The following ACSS3 variants were observed in gnomAD, a reference collection of about 807,000 sequenced individuals.
ACSS3 encodes acyl-CoA synthetase short chain family member 3.
Under a neutral mutation model 84.2 loss-of-function variants are expected in ACSS3, and 64 were observed. The ratio of observed to expected loss-of-function variants is 0.76; its 90% CI spans 0.62 to 0.94. The LOEUF (loss-of-function observed/expected upper bound fraction) is 0.94. Among genes scored for constraint, ACSS3 ranks in the 40% least tolerant of loss-of-function variants. ACSS3 has a pLI of 0.00. For synonymous variants in ACSS3, 317 were observed against 310.1 expected, an observed-to-expected ratio of 1.02 and a Z score of -0.23; for missense variants, 815 against 867.6, an observed-to-expected ratio of 0.94 and a Z score of 0.76.
At chr12:81,183,075 G>C (rs1391202493) in intron 8 of ACSS3, among the ~76,000 whole-genome samples, 1 of 152,110 alleles carries the variant, frequency 6.6e-6, no homozygotes, top group Non-Finnish European at 1.5e-5. Flanking sequence ...AGTGAGGTGT[G>C]ATAAAAAGAG....
chr12:81,149,953 T>C (rs1886530223), intron 5 of ACSS3, among the ~76,000 whole-genome samples: 1 of 152,208 alleles, frequency 6.6e-6, no homozygotes, highest in South Asian at 2.1e-4. Context: ...TGGGTTTAAG[T>C]ATTCACTAAT....
chr12:81,181,767 A>AAAAAAAAAAAAAAAAAAAAAAAAAT (rs2030949847), intron 8 of ACSS3, among the ~76,000 whole-genome samples: 1 of 148,184 alleles, frequency 6.7e-6, no homozygotes, highest in African/African-American at 2.5e-5. Context: ...AAAAAAAAAA[A>AAAAAAAAAAAAAAAAAAAAAAAAAT]AGCAATAGAG....
chr12:81,143,262 A>AGCT lies in ACSS3; in HGVS notation c.921+16_921+17insCTG. Reference sequence around the variant, plus strand: ...GGTTACCTAAGGTACTCACTCTCTTAGAGATAACTATCTATAGCAGTAGAT... The same window carrying AGCT: ...GGTTACCTAAGGTACTCACTCTCTTAGCTGAGATAACTATCTATAGCAGTAGAT... On this transcript the variant is annotated intron_variant, in intron 5 of 15. Coordinates refer to ENST00000548058, the MANE Select transcript of ACSS3 (RefSeq NM_024560.4). 1 of 1,567,200 alleles carries AGCT rather than the reference A, an allele frequency of 6.4e-7. No homozygotes were observed. Among genetic ancestry groups the AGCT allele is most frequent in the Non-Finnish European group, 8.7e-7 (1 of 1,146,990 alleles).
At chr12:81,080,134 A>G (rs1880877415) in intron 1 of ACSS3, among the ~76,000 whole-genome samples, 3 of 152,174 alleles carry the variant, frequency 2.0e-5, no homozygotes, top group Non-Finnish European at 4.4e-5. Context: ...AGCCACAGGT[A>G]TATTCTAAAT....
chr12:81,239,706 G>T (rs934396096), intron 13 of ACSS3, among the ~76,000 whole-genome samples: 1 of 151,902 alleles, frequency 6.6e-6, no homozygotes, highest in African/African-American at 2.4e-5. Flanking sequence ...CCTCCCACCA[G>T]GTCCCTCCCA....
intron 10 of ACSS3, among the ~76,000 whole-genome samples, chr12:81,218,059 T>C (rs2032984976): frequency 6.6e-6 from 1 of 152,192 alleles, no homozygotes; most frequent in South Asian, 2.1e-4. Context: ...TTTTGAACAC[T>C]GTTTCCTTAT....
rs547470962 is a variant in ACSS3 at position 81,117,546 on chromosome 12, T to C, written c.456+7842T>C. On this transcript the variant is annotated intron_variant, in intron 2 of 15. Transcript: ENST00000548058. ...CTGAAACAAGAGTAGATTCAGACCA[T>C]TGGAAAAGCCATGAGGACTCAGAGC... 6.6e-5 allele frequency among the ~76,000 whole-genome samples: 10 copies of C among 152,196 alleles called. No individual in the cohort carries two copies. In the South Asian group the frequency reaches 1.7e-3, roughly 25 times the overall value.
rs192314120 is a variant in ACSS3 at position 81,230,740 on chromosome 12, C to T, written c.1515-317C>T. The stretch of plus-strand genomic sequence containing the variant: ...TTTCTAAGAAAGTAATTCAATGACA[C>T]GTTTTTTGGTTCTTTTTTTGCAGAT... On this transcript the variant is annotated intron_variant, in intron 11 of 15. Transcript: ENST00000548058. 2.0e-3 allele frequency among the ~76,000 whole-genome samples: 300 copies of T among 151,872 alleles called. 3 individuals are homozygous for T. The highest frequency in any genetic ancestry group is 4.5e-3 in the Admixed American group (69 of 15,230).
At chr12:81,089,802 G>T (rs546427532) in intron 1 of ACSS3, among the ~76,000 whole-genome samples, 1 of 152,056 alleles carries the variant, frequency 6.6e-6, no homozygotes, top group Non-Finnish European at 1.5e-5. Context: ...TGGGCCCTAT[G>T]CTAATCACTA....
chr12:81,088,823 C>A (rs1881487458), intron 1 of ACSS3, among the ~76,000 whole-genome samples: 1 of 151,752 alleles, frequency 6.6e-6, no homozygotes, highest in Admixed American at 6.6e-5. Context: ...TTTTACTTTT[C>A]TTTTTAAATA....
At chr12:81,235,785 A>T (rs942845727) in intron 13 of ACSS3, among the ~76,000 whole-genome samples, 8 of 151,606 alleles carry the variant, frequency 5.3e-5, no homozygotes, top group Middle Eastern at 3.4e-3. Context: ...TTGCTAGTGG[A>T]TAGAAATACT....
chr12:81,179,510 A>G (rs1473592804), intron 8 of ACSS3, among the ~76,000 whole-genome samples: 4 of 151,854 alleles, frequency 2.6e-5, no homozygotes, highest in Non-Finnish European at 5.9e-5. Flanking sequence ...CCCATTAAGA[A>G]ATGGGCTCAC....
intron 3 of ACSS3, among the ~76,000 whole-genome samples, chr12:81,138,829 C>G (rs889508230): frequency 6.6e-6 from 1 of 152,182 alleles, no homozygotes; most frequent in East Asian, 1.9e-4. Flanking sequence ...TTGCATTGTA[C>G]TAGTTTATGG....
At chr12:81,166,821 C>G (rs892345999) in intron 7 of ACSS3, among the ~76,000 whole-genome samples, 1 of 152,196 alleles carries the variant, frequency 6.6e-6, no homozygotes, top group African/African-American at 2.4e-5. Flanking sequence ...CAGGTTGAAT[C>G]GTAGTATGCA....
chr12:81,104,281 A>G (rs1882781034), intron 1 of ACSS3, among the ~76,000 whole-genome samples: 1 of 152,124 alleles, frequency 6.6e-6, no homozygotes, highest in Admixed American at 6.5e-5. Context: ...CACAGATTTT[A>G]AAAAGCCCCA....
chr12:81,228,628 A>G (rs2033347446), intron 11 of ACSS3, among the ~76,000 whole-genome samples: 1 of 151,896 alleles, frequency 6.6e-6, no homozygotes, highest in African/African-American at 2.4e-5. Context: ...AGTTGCTAAC[A>G]TAATTGACTT....
At chr12:81,170,777 T>C (rs1445358918) in intron 7 of ACSS3, among the ~76,000 whole-genome samples, 1 of 152,164 alleles carries the variant, frequency 6.6e-6, no homozygotes, top group African/African-American at 2.4e-5. Flanking sequence ...TCTTTTTCTT[T>C]AGGCAGTTCA....
intron 13 of ACSS3, among the ~76,000 whole-genome samples, chr12:81,252,182 GA>G (rs2034174710): frequency 6.6e-6 from 1 of 151,966 alleles, no homozygotes; most frequent in Non-Finnish European, 1.5e-5. Context: ...AAAAGTTTTT[GA>G]GGCCCATATC....
rs138524442 is a variant in ACSS3, at chr12:81,102,593, C to T, written c.312-6967C>T. On this transcript the variant is annotated intron_variant, in intron 1 of 15. Coordinates refer to ENST00000548058, the MANE Select transcript of ACSS3 (RefSeq NM_024560.4). ...ATACCACCATTTTGGGAGGCCGAGG[C>T]GGGCAGATCACCAGGTCAAGAGATA... Among the ~76,000 whole-genome samples the T allele has an allele frequency of 9.2e-4, 139 of 151,868 alleles. 1 individual carries two copies. The highest frequency in any genetic ancestry group is 3.1e-3 in the African/African-American group (129 of 41,416).
Sources: gnomAD v4.1 joint callset for allele counts (sites outside exome capture counted in the v4.1 genomes callset) on GRCh38, gnomAD v4.1.1 for gene constraint, MANE v1.5 for transcripts, NCBI Gene and HGNC (gene_info 2026-07-23, HGNC 2026-07-21) for gene names.